Variants in PRR5L observed in about 807,000 individuals in gnomAD.
PRR5L encodes the protein proline-rich protein 5-like.
Under a neutral mutation model 36.4 loss-of-function variants are expected in PRR5L, and 21 were observed. That is an observed-to-expected ratio of 0.58 (90% CI 0.41 to 0.83). The LOEUF is 0.83. Among genes scored for constraint, PRR5L ranks in the 40% least tolerant of loss-of-function variants. PRR5L has a pLI of 0.00. For missense variants in PRR5L, 381 were observed against 473.3 expected (o/e 0.80, Z 1.81); for synonymous variants, 188 against 197.0 (o/e 0.95, Z 0.38).
chr11:36,460,631 T>C (rs779716374), intron 8 of PRR5L, among the ~76,000 whole-genome samples: 4 of 152,254 alleles, frequency 2.6e-5, no homozygotes, highest in Non-Finnish European at 5.9e-5. Flanking sequence ...TATTATGGAA[T>C]ATAATACCTG....
At chr11:36,421,380 A>G (rs1268723606) in intron 4 of PRR5L, among the ~76,000 whole-genome samples, 1 of 152,196 alleles carries the variant, frequency 6.6e-6, no homozygotes, top group Non-Finnish European at 1.5e-5. Context: ...ACTAATAACC[A>G]CTTGTCATTT....
At chr11:36,334,088 G>T (rs947677654) in intron 1 of PRR5L, among the ~76,000 whole-genome samples, 3 of 152,076 alleles carry the variant, frequency 2.0e-5, no homozygotes, top group African/African-American at 7.2e-5. Context: ...GAGCACATGG[G>T]AGTCTCTTAG....
At chr11:36,385,290 A>AT (rs1225506118) in intron 1 of PRR5L, among the ~76,000 whole-genome samples, 1 of 152,214 alleles carries the variant, frequency 6.6e-6, no homozygotes, top group Non-Finnish European at 1.5e-5. Context: ...CCCAGACAAT[A>AT]TGCACTCCAA....
At chr11:36,322,830 G>A (rs746970778) in intron 1 of PRR5L, among the ~76,000 whole-genome samples, 3 of 152,152 alleles carry the variant, frequency 2.0e-5, no homozygotes, top group African/African-American at 4.8e-5. Flanking sequence ...AATCCAATAT[G>A]ACTGGAGTCC....
rs535662462 is a variant in PRR5L at position 36,451,196 on chromosome 11, G to A, written c.586-13G>A. The A allele has an allele frequency of 1.2e-6, 2 of 1,613,960 alleles. No homozygotes were observed. The highest frequency in any genetic ancestry group is 1.7e-5 in the Admixed American group (1 of 59,990). ...ACACTGACCTTTGTGTATCTTGGCT[G>A]TTCATTTTCCAGAGTGTTCACGAGC... On this transcript the variant is annotated splice_polypyrimidine_tract_variant and intron_variant, in intron 7 of 8. Transcript: ENST00000530639.
chr11:36,441,062 C>T (rs1049173598), intron 6 of PRR5L, among the ~76,000 whole-genome samples: 1 of 152,200 alleles, frequency 6.6e-6, no homozygotes, highest in Admixed American at 6.5e-5. Flanking sequence ...TTCAACACGA[C>T]GTTTGGAGGG....
intron 1 of PRR5L, among the ~76,000 whole-genome samples, chr11:36,337,184 A>G (rs1003556563): frequency 2.6e-5 from 4 of 152,146 alleles, no homozygotes; most frequent in African/African-American, 9.7e-5. Flanking sequence ...CATCCCCCCA[A>G]AATTAATAAC....
At chr11:36,384,976 T>C (rs1316484274) in intron 1 of PRR5L, among the ~76,000 whole-genome samples, 1 of 152,118 alleles carries the variant, frequency 6.6e-6, no homozygotes, top group Non-Finnish European at 1.5e-5. Flanking sequence ...CAGCCTTATC[T>C]CCTTTTCTTA....
intron 3 of PRR5L, among the ~76,000 whole-genome samples, chr11:36,416,322 A>G (rs1369309786): frequency 6.6e-6 from 1 of 152,212 alleles, no homozygotes; most frequent in Non-Finnish European, 1.5e-5. Flanking sequence ...TTAAATTATT[A>G]AGAAAGGTCT....
Position 36,446,437 on chromosome 11 carries a change from G to T in PRR5L, c.582G>T (p.Leu194=). 1 of 1,614,032 alleles carries T rather than the reference G, an allele frequency of 6.2e-7. No homozygotes were observed. The highest frequency in any genetic ancestry group is 8.5e-7 in the Non-Finnish European group (1 of 1,180,000). The change falls in exon 7 of 9, where the codon CTG becomes CTT. Residue 194 remains leucine (L), a synonymous_variant. Transcript: ENST00000530639. ...PSSIVQMLLI[L]QSVHEPTGPS... is the part of the protein sequence containing the mutation. The stretch of plus-strand genomic sequence containing the variant: ...CCATTGTCCAGATGTTGCTCATCCT[G>T]CAGGTGAGGCTGTGCTGGAGACTTG...
chr11:36,419,398 C>T, intron 4 of PRR5L, 95 bp downstream of exon 4: 1 of 1,089,350 alleles, frequency 9.2e-7, no homozygotes. Flanking sequence ...GACATTCCTT[C>T]AACAGACAAA....
At chr11:36,441,467 G>T (rs1467730411) in intron 6 of PRR5L, among the ~76,000 whole-genome samples, 3 of 152,242 alleles carry the variant, frequency 2.0e-5, no homozygotes, top group Admixed American at 6.5e-5. Context: ...CTGATGCAAA[G>T]GATGGGCTCC....
rs1243236719 is a variant in PRR5L, at chr11:36,351,526, T to A, written c.-125-49471T>A. ...TTTTATATATTTATATATATTTATA[T>A]ATTTATATAAATATATATTTATATA... On this transcript the variant is annotated intron_variant, in intron 1 of 8. Coordinates refer to ENST00000530639, the MANE Select transcript of PRR5L (RefSeq NM_001160167.2). 6.0e-3 allele frequency among the ~76,000 whole-genome samples: 230 copies of A among 38,492 alleles called. 67 individuals carry two copies. The highest frequency in any genetic ancestry group is 0.019 in the African/African-American group (115 of 6,034). The allele number at this position is 38,492 out of a possible 152,430, so 25.3% of individuals were successfully genotyped here. A position where few individuals can be genotyped will look rare whatever the true frequency, so the allele number is the denominator to read the frequency against.
In PRR5L at chr11:36,434,433, A is replaced by C. The variant is rs150998209; in HGVS notation, c.352+2523A>C. Among the ~76,000 whole-genome samples, 21 of 152,348 alleles carry C rather than the reference A, an allele frequency of 1.4e-4. No homozygotes were observed. In the East Asian group the frequency reaches 3.9e-3, roughly 28 times the overall value. ...ACTGAACAAACTCCTCTTTGTCGAC[A>C]TCTCCGCTTAGGTACTTACATGTCT... On this transcript the variant is annotated intron_variant, in intron 5 of 8. Coordinates refer to ENST00000530639, the MANE Select transcript of PRR5L (RefSeq NM_001160167.2).
chr11:36,378,010 C>A (rs1857306881), intron 1 of PRR5L, among the ~76,000 whole-genome samples: 1 of 152,170 alleles, frequency 6.6e-6, no homozygotes, highest in Non-Finnish European at 1.5e-5. Flanking sequence ...CCTCAAGGGA[C>A]CCTTGCTGAT....
At chr11:36,304,898 G>T (rs1310840275) in intron 1 of PRR5L, among the ~76,000 whole-genome samples, 1 of 152,190 alleles carries the variant, frequency 6.6e-6, no homozygotes, top group African/African-American at 2.4e-5. Flanking sequence ...AAGATGTGGA[G>T]AAATTGGAAT....
intron 8 of PRR5L, among the ~76,000 whole-genome samples, chr11:36,456,037 G>A (rs988260813): frequency 3.3e-5 from 5 of 152,138 alleles, no homozygotes; most frequent in African/African-American, 1.2e-4. Flanking sequence ...AGGCAGCTGT[G>A]GAGAGAGCAG....
intron 3 of PRR5L, among the ~76,000 whole-genome samples, chr11:36,416,187 T>C (rs944957348): frequency 4.2e-5 from 5 of 120,078 alleles, no homozygotes; most frequent in African/African-American, 1.4e-4. Flanking sequence ...AAACTCTGCA[T>C]ATATATATAT....
At chr11:36,310,308 G>A (rs1024843441) in intron 1 of PRR5L, among the ~76,000 whole-genome samples, 4 of 152,114 alleles carry the variant, frequency 2.6e-5, no homozygotes, top group African/African-American at 9.7e-5. Flanking sequence ...ACTGCCTTAA[G>A]TATATTTCCA....
Sources: allele counts gnomAD v4.1 joint callset (sites outside exome capture counted in the v4.1 genomes callset), GRCh38; gene constraint gnomAD v4.1.1; transcripts MANE v1.5; gene names NCBI Gene and HGNC (gene_info 2026-07-23, HGNC 2026-07-21).